The following GRIK2 variants were observed in gnomAD, a reference collection of about 807,000 sequenced individuals.
GRIK2 encodes the protein glutamate receptor ionotropic, kainate 2.
A neutral mutation model predicts 100.3 loss-of-function variants in GRIK2; 32 were observed. The ratio of observed to expected loss-of-function variants is 0.32; its 90% CI spans 0.24 to 0.43. The LOEUF (loss-of-function observed/expected upper bound fraction) is 0.43, where lower values mean the gene tolerates loss of function less well. Among genes scored for constraint, GRIK2 ranks in the 20% least tolerant of loss-of-function variants. The pLI, the probability that GRIK2 is intolerant of heterozygous loss-of-function variation, is 1.00. For synonymous variants in GRIK2, 417 were observed against 389.4 expected (o/e 1.07, Z -0.83); for missense variants, 843 against 1,114.9 (o/e 0.76, Z 3.47).
In GRIK2 at chr6:101,994,116, A is replaced by G. The variant is rs1289707926; in HGVS notation, c.2086-41225A>G. On this transcript the variant is annotated intron_variant, in intron 14 of 16. Coordinates refer to ENST00000369134, the MANE Select transcript of GRIK2 (RefSeq NM_021956.5). ...ATACATATATACATTCTACTGGCAAATATTACATTCTGTCCATTCATAATG... is the reference window on the plus strand; with the variant it reads ...ATACATATATACATTCTACTGGCAAGTATTACATTCTGTCCATTCATAATG... Among the ~76,000 whole-genome samples the G allele has an allele frequency of 2.7e-5, 4 of 150,630 alleles. No individual in the cohort carries two copies. The South Asian group carries it at 6.2e-4, about 24-fold the overall frequency.
chr6:101,538,704 G>C (rs1167412478), intron 2 of GRIK2, among the ~76,000 whole-genome samples: 1 of 151,362 alleles, frequency 6.6e-6, no homozygotes, highest in African/African-American at 2.4e-5. Flanking sequence ...GGCTTCACTG[G>C]GGTTAGTACT....
intron 2 of GRIK2, among the ~76,000 whole-genome samples, chr6:101,539,087 C>T (rs966539375): frequency 6.6e-6 from 1 of 151,540 alleles, no homozygotes; most frequent in African/African-American, 2.4e-5. Context: ...ATAATCATTA[C>T]TTAGAGGCAA....
intron 7 of GRIK2, among the ~76,000 whole-genome samples, chr6:101,750,918 A>T (rs2128384342): frequency 6.6e-6 from 1 of 152,324 alleles, no homozygotes; most frequent in South Asian, 2.1e-4. Context: ...AAATGGTTCA[A>T]AATACTGCCA....
At chr6:101,636,161 A>T (rs991573463) in intron 4 of GRIK2, among the ~76,000 whole-genome samples, 1 of 152,212 alleles carries the variant, frequency 6.6e-6, no homozygotes, top group Non-Finnish European at 1.5e-5. Context: ...ATGGAATGCT[A>T]TGCAGCCATA....
chr6:101,894,179 A>G (rs993462344), intron 12 of GRIK2, among the ~76,000 whole-genome samples: 49 of 151,674 alleles, frequency 3.2e-4, no homozygotes, highest in African/African-American at 1.2e-3. Context: ...AAAGTAGATT[A>G]TTTTGTCAAT....
chr6:101,458,781 G>A lies in GRIK2; in HGVS notation c.115+59389G>A, dbSNP rs559379578. ...TGAAGAACTCATTTATCCACATGGA[G>A]TAGGTATTACCATGTCAAATTTTTC... On this transcript the variant is annotated intron_variant, in intron 2 of 16. Coordinates refer to ENST00000369134, the MANE Select transcript of GRIK2 (RefSeq NM_021956.5). 7.9e-5 allele frequency among the ~76,000 whole-genome samples: 12 copies of A among 152,286 alleles called. No individual in the cohort carries two copies. The South Asian group carries it at 2.3e-3, about 29-fold the overall frequency.
chr6:101,599,233 C>CTT (rs1389419737), intron 2 of GRIK2, among the ~76,000 whole-genome samples: 1 of 151,868 alleles, frequency 6.6e-6, no homozygotes, highest in Non-Finnish European at 1.5e-5. Flanking sequence ...ATCCGTGCTG[C>CTT]TGCAAAGGAC....
chr6:101,785,398 A>T (rs12211757), intron 7 of GRIK2, among the ~76,000 whole-genome samples: 1 of 152,020 alleles, frequency 6.6e-6, no homozygotes, highest in Non-Finnish European at 1.5e-5. Flanking sequence ...TGCCTAGACC[A>T]ATGTCCTAGA....
chr6:101,676,747 G>A lies in GRIK2; in HGVS notation c.666G>A (p.Lys222=), dbSNP rs1770870341. 3 of 1,608,592 alleles carry A rather than the reference G, an allele frequency of 1.9e-6. No individual in the cohort carries two copies. Among genetic ancestry groups the A allele is most frequent in the Middle Eastern group, 1.7e-4 (1 of 6,028 alleles). Residue 222 remains lysine (K), a synonymous_variant, in exon 5 of 17, where the codon AAG becomes AAA. Transcript: ENST00000369134. ...TACTAAAAGAAATGAAAAGAGGCAAGGAGTTTCATGTAATCTTTGATTGTA... is the reference window on the plus strand; with the variant it reads ...TACTAAAAGAAATGAAAAGAGGCAAAGAGTTTCATGTAATCTTTGATTGTA... ...KPLLKEMKRG[K]EFHVIFDCSH... is the part of the protein sequence containing the mutation.
intron 2 of GRIK2, among the ~76,000 whole-genome samples, chr6:101,465,166 A>T (rs924011895): frequency 3.3e-5 from 5 of 152,308 alleles, no homozygotes; most frequent in South Asian, 4.1e-4. Context: ...TAGTTGTATT[A>T]CATGAATATA....
At chr6:101,457,470 T>C (rs987262577) in intron 2 of GRIK2, among the ~76,000 whole-genome samples, 4 of 152,148 alleles carry the variant, frequency 2.6e-5, no homozygotes, top group African/African-American at 4.8e-5. Flanking sequence ...TTCACATCCG[T>C]ATGTAATCTT....
At chr6:101,649,835 G>A (rs1340188701) in intron 4 of GRIK2, among the ~76,000 whole-genome samples, 2 of 152,088 alleles carry the variant, frequency 1.3e-5, no homozygotes, top group East Asian at 3.9e-4. Flanking sequence ...AACTGATGCT[G>A]TGGGCTGAGG....
At chr6:101,716,647 G>A (rs1256931697) in intron 7 of GRIK2, among the ~76,000 whole-genome samples, 1 of 150,808 alleles carries the variant, frequency 6.6e-6, no homozygotes, top group African/African-American at 2.4e-5. Context: ...AATACCTAAT[G>A]TAAATGACCA....
intron 2 of GRIK2, among the ~76,000 whole-genome samples, chr6:101,579,849 T>TAA (rs756184787): frequency 1.8e-3 from 236 of 128,886 alleles, no homozygotes; most frequent in South Asian, 6.8e-3. Context: ...GACTGTGTCT[T>TAA]AAAAAAAAAA....
intron 2 of GRIK2, among the ~76,000 whole-genome samples, chr6:101,579,283 A>G (rs945290731): frequency 6.6e-6 from 1 of 152,162 alleles, no homozygotes; most frequent in African/African-American, 2.4e-5. Context: ...TGAAGGTTGT[A>G]TATTTCATGA....
At chr6:101,910,163 A>C (rs2791764) in intron 12 of GRIK2, among the ~76,000 whole-genome samples, 128,557 of 150,964 alleles carry the variant, frequency 0.85, 54,879 homozygotes, top group East Asian at 0.94. Flanking sequence ...TATGTTTCTA[A>C]ATTAAAAATA....
chr6:101,850,207 G>A (rs1236426499), intron 10 of GRIK2, among the ~76,000 whole-genome samples: 1 of 151,838 alleles, frequency 6.6e-6, no homozygotes, highest in African/African-American at 2.4e-5. Context: ...TAATTGGTAG[G>A]GATTTCAAAT....
At chr6:101,827,414 C>T (rs1234697115) in intron 10 of GRIK2, among the ~76,000 whole-genome samples, 4 of 151,800 alleles carry the variant, frequency 2.6e-5, no homozygotes, top group Non-Finnish European at 5.9e-5. Context: ...GGTTATTGCT[C>T]TATAAGCCTG....
At chr6:101,625,200 T>A (rs112681606) in intron 3 of GRIK2, among the ~76,000 whole-genome samples, 10 of 151,964 alleles carry the variant, frequency 6.6e-5, no homozygotes, top group African/African-American at 2.4e-4. Context: ...GGTGAAACCC[T>A]GTCTCTACTA....
Sources: allele counts gnomAD v4.1 joint callset (sites outside exome capture counted in the v4.1 genomes callset), GRCh38; gene constraint gnomAD v4.1.1; transcripts MANE v1.5; gene names NCBI Gene and HGNC (gene_info 2026-07-23, HGNC 2026-07-21).